The following SPAST variants were observed in gnomAD, a reference collection of about 807,000 sequenced individuals.
SPAST encodes spastic paraplegia 4 (autosomal dominant; spastin).
A neutral mutation model predicts 76.6 loss-of-function variants in SPAST; 30 were observed. The ratio of observed to expected loss-of-function variants is 0.39; its 90% confidence interval spans 0.29 to 0.53. SPAST has a LOEUF of 0.53. Among genes scored for constraint, SPAST ranks in the 20% least tolerant of loss-of-function variants. SPAST has a pLI of 0.68. For synonymous variants in SPAST, 305 were observed against 281.0 expected (o/e 1.09, Z -0.86); for missense variants, 717 against 770.5 (o/e 0.93, Z 0.82).
At chr2:32,074,652 G>T (rs776078424) in intron 1 of SPAST, among the ~76,000 whole-genome samples, 1 of 151,726 alleles carries the variant, frequency 6.6e-6, no homozygotes, top group Non-Finnish European at 1.5e-5. Context: ...AATTACAGGC[G>T]CAAGTCACCA....
At chr2:32,064,270 G>A in intron 1 of SPAST, 24 bp downstream of exon 1, 1 of 1,515,538 alleles carries the variant, frequency 6.6e-7, no homozygotes, top group African/African-American at 1.4e-5. Flanking sequence ...TGGGGGAGGG[G>A]GCGGCGGCGC....
chr2:32,105,995 C>T (rs1678305683), intron 4 of SPAST, among the ~76,000 whole-genome samples: 2 of 152,186 alleles, frequency 1.3e-5, no homozygotes, highest in Admixed American at 1.3e-4. Context: ...AGCTGTCAGA[C>T]AGGGACCTTT....
intron 13 of SPAST, 78 bp downstream of exon 13, chr2:32,142,024 A>G (rs1679737799): frequency 9.1e-7 from 1 of 1,098,110 alleles, no homozygotes; most frequent in African/African-American, 1.5e-5. Context: ...AAGTCTTCCA[A>G]TCCATGGTAC....
At chr2:32,145,590 T>G (rs1679859393) in intron 15 of SPAST, among the ~76,000 whole-genome samples, 1 of 152,268 alleles carries the variant, frequency 6.6e-6, no homozygotes, top group Admixed American at 6.5e-5. Flanking sequence ...TTCAGTATTC[T>G]GACATCATTT....
At chr2:32,119,025 G>A (rs561774111) in intron 7 of SPAST, among the ~76,000 whole-genome samples, 1 of 152,236 alleles carries the variant, frequency 6.6e-6, no homozygotes, top group South Asian at 2.1e-4. Flanking sequence ...TTCAAATAAA[G>A]TTGAATAACC....
chr2:32,122,114 A>G (rs1473466121), intron 7 of SPAST, among the ~76,000 whole-genome samples: 2 of 152,186 alleles, frequency 1.3e-5, no homozygotes, highest in African/African-American at 4.8e-5. Context: ...ATGATCAAGC[A>G]GCAAGCCTAC....
intron 16 of SPAST, among the ~76,000 whole-genome samples, chr2:32,148,629 G>A (rs1344117075): frequency 6.6e-6 from 1 of 152,134 alleles, no homozygotes; most frequent in African/African-American, 2.4e-5. Flanking sequence ...CTAACATGGT[G>A]AAACCCTGTC....
chr2:32,123,805 A>G (rs1271854028), intron 7 of SPAST, among the ~76,000 whole-genome samples: 1 of 152,218 alleles, frequency 6.6e-6, no homozygotes, highest in East Asian at 1.9e-4. Context: ...GGTATAGGAC[A>G]ACTGGACATC....
chr2:32,145,189 C>A lies in SPAST; in HGVS notation c.1687+182C>A, dbSNP rs7592239. ...TCACTGCAGCCTCGAACCCCCCAGG[C>A]TCAGGTGATTCTCCCACCCAGCCTT... On this transcript the variant is annotated intron_variant, in intron 15 of 16. Coordinates refer to ENST00000315285, the MANE Select transcript of SPAST (RefSeq NM_014946.4). 0.36 allele frequency among the ~76,000 whole-genome samples: 54,294 copies of A among 151,864 alleles called. 10,050 individuals are homozygous for A. Among genetic ancestry groups the A allele is most frequent in the East Asian group, 0.64 (3,279 of 5,154 alleles).
At chr2:32,123,336 TAGA>T (rs2148741273) in intron 7 of SPAST, among the ~76,000 whole-genome samples, 1 of 152,192 alleles carries the variant, frequency 6.6e-6, no homozygotes, top group South Asian at 2.1e-4. Flanking sequence ...AAGTTTGTTG[TAGA>T]AGATCTATAT....
chr2:32,117,534 T>C (rs886489507), intron 7 of SPAST, among the ~76,000 whole-genome samples: 4 of 148,958 alleles, frequency 2.7e-5, no homozygotes, highest in African/African-American at 9.8e-5. Flanking sequence ...AATAATTCTT[T>C]TTTTTTTTTT....
intron 4 of SPAST, among the ~76,000 whole-genome samples, chr2:32,111,262 GCGT>G (rs1678582649): frequency 1.0e-5 from 1 of 95,524 alleles, no homozygotes; most frequent in African/African-American, 3.7e-5. Context: ...AGTGTGTATA[GCGT>G]ATATATACAG....
chr2:32,129,086 GT>G, intron 9 of SPAST: 1 of 153,956 alleles, frequency 6.5e-6, no homozygotes, highest in South Asian at 2.0e-4. Flanking sequence ...GGAGAACACA[GT>G]TCAACCCATT....
chr2:32,074,607 A>G (rs1330888414), intron 1 of SPAST, among the ~76,000 whole-genome samples: 1 of 151,880 alleles, frequency 6.6e-6, no homozygotes. Context: ...CCTGGATTCA[A>G]GCGACTCTCC....
intron 3 of SPAST, among the ~76,000 whole-genome samples, chr2:32,097,504 A>G (rs533388586): frequency 3.9e-5 from 6 of 152,182 alleles, no homozygotes; most frequent in African/African-American, 1.4e-4. Flanking sequence ...ATGTTTACAC[A>G]AATGGTAGGG....
chr2:32,063,723 G>A lies in SPAST; in HGVS notation c.-109G>A. On this transcript the variant is annotated 5_prime_UTR_variant, in exon 1 of 17. Coordinates refer to ENST00000315285, the MANE Select transcript of SPAST (RefSeq NM_014946.4). Reference sequence around the variant, plus strand: ...CAGTGCGGAGCTCCTGAGACCGGCGGGCACACGGGGGTCTGTGGCCCCCGC... The same window carrying A: ...CAGTGCGGAGCTCCTGAGACCGGCGAGCACACGGGGGTCTGTGGCCCCCGC... The A allele has an allele frequency of 2.8e-6, 4 of 1,429,704 alleles. No individual in the cohort carries two copies. The highest frequency in any genetic ancestry group is 3.7e-6 in the Non-Finnish European group (4 of 1,071,296). The allele number at this position is 1,429,704 out of a possible 1,614,324, so 88.6% of individuals were successfully genotyped here.
chr2:32,127,238 C>T (rs1679226448), intron 8 of SPAST: 1 of 535,838 alleles, frequency 1.9e-6, no homozygotes. Flanking sequence ...ATGCCTCAGC[C>T]TCCCAAGTAG....
At chr2:32,102,166 A>T (rs1259122429) in intron 4 of SPAST, among the ~76,000 whole-genome samples, 2 of 151,394 alleles carry the variant, frequency 1.3e-5, no homozygotes, top group Non-Finnish European at 2.9e-5. Context: ...AGTGGTTTGT[A>T]GTTCTCCTTG....
intron 1 of SPAST, among the ~76,000 whole-genome samples, chr2:32,073,494 A>T (rs1676833641): frequency 6.6e-6 from 1 of 152,024 alleles, no homozygotes; most frequent in Non-Finnish European, 1.5e-5. Context: ...TTTTTTTAAA[A>T]ATGTTTTTAA....
Sources: allele counts gnomAD v4.1 joint callset (sites outside exome capture counted in the v4.1 genomes callset), GRCh38; gene constraint gnomAD v4.1.1; transcripts MANE v1.5; gene names NCBI Gene and HGNC (gene_info 2026-07-23, HGNC 2026-07-21).